The following COL6A3 variants were observed in gnomAD, a reference collection of about 807,000 sequenced individuals.
COL6A3 encodes the protein collagen alpha-3(VI) chain.
In COL6A3, 137 loss-of-function variants were observed where a neutral mutation model predicts 274.1. The ratio of observed to expected loss-of-function variants is 0.50; its 90% CI spans 0.44 to 0.58. COL6A3 has a LOEUF of 0.58. COL6A3 is among the 20% of genes least tolerant of loss of function. COL6A3 has a pLI of 0.00. For missense variants in COL6A3, 3,950 were observed against 4,124.9 expected (o/e 0.96, Z 1.16); for synonymous variants, 1,650 against 1,650.6 (o/e 1.00, Z 0.01).
At chr2:237,405,206 G>A (rs1401161543) in intron 1 of COL6A3, among the ~76,000 whole-genome samples, 3 of 152,242 alleles carry the variant, frequency 2.0e-5, no homozygotes, top group South Asian at 2.1e-4. Flanking sequence ...TGGGAAAAAC[G>A]CCTTTGGCCC....
intron 3 of COL6A3, among the ~76,000 whole-genome samples, chr2:237,393,381 G>A (rs1299022620): frequency 1.3e-5 from 2 of 152,104 alleles, no homozygotes; most frequent in East Asian, 3.9e-4. Context: ...ATCCCTCCAA[G>A]CCCCCAAGCC....
In COL6A3 at chr2:237,340,893, C is replaced by T. The variant is rs765987305; in HGVS notation, c.8023G>A (p.Val2675Met). 19 of 1,613,330 alleles carry T rather than the reference C, an allele frequency of 1.2e-5. No individual in the cohort carries two copies. In the South Asian group the frequency reaches 1.3e-4, roughly 11 times the overall value. Residue 2675 changes from valine (V) to methionine (M), a missense_variant, in exon 38 of 44, where the codon GTG (valine) becomes ATG (methionine). By Grantham distance (21) the Val-to-Met change is conservative. Transcript: ENST00000295550. ...AVVQHAPSES[V>M]DNASMPPVKV... ...ACAGGTGGCATGCTGGCATTGTCCA[C>T]GGACTCAGAGGGCGCGTGCTGCACA...
rs7597574 is a variant in COL6A3, at chr2:237,361,685, T to C, written c.6156+54A>G. 4.8e-3 allele frequency: 6,958 copies of C among 1,449,074 alleles called. 230 individuals carry two copies. The African/African-American group carries it at 0.076, about 16-fold the overall frequency. 89.8% of individuals were successfully genotyped at this position (1,449,074 alleles called of 1,614,324 possible). ...TAGAGAAATTACCCCACCAAAGTAA[T>C]GTCGGGCTTCTGACACCTCATCTCA... On this transcript the variant is annotated intron_variant, in intron 15 of 43. Coordinates refer to ENST00000295550, the MANE Select transcript of COL6A3 (RefSeq NM_004369.4). This position sits in a 1 kb window ranked among gnomAD's most constrained non-coding sequence, Gnocchi z 5.1.
intron 22 of COL6A3, 140 bp from the exon 23 acceptor site, chr2:237,357,531 G>A (rs552141494): frequency 1.1e-6 from 1 of 871,574 alleles, no homozygotes; most frequent in South Asian, 1.3e-5. Flanking sequence ...ACACTTTGCA[G>A]GATGCACCGG....
intron 1 of COL6A3, among the ~76,000 whole-genome samples, chr2:237,411,226 A>G (rs530681837): frequency 3.3e-4 from 51 of 152,356 alleles, no homozygotes; most frequent in African/African-American, 1.2e-3. Context: ...TCTTCCAAAA[A>G]GAGCAGTGAC....
At chr2:237,345,487 C>T (rs1002692820) in intron 32 of COL6A3, among the ~76,000 whole-genome samples, 13 of 136,428 alleles carry the variant, frequency 9.5e-5, no homozygotes, top group South Asian at 2.2e-4. Context: ...GTAAAGCCCA[C>T]GAGTGAACCT....
chr2:237,397,910 C>A (rs916651252), intron 1 of COL6A3, among the ~76,000 whole-genome samples: 3 of 152,144 alleles, frequency 2.0e-5, no homozygotes, highest in African/African-American at 7.2e-5. Context: ...ATGTACGCAG[C>A]AATTTGGAAA....
At position 237,368,984 on chromosome 2, in the gene COL6A3, G is replaced by A. The variant is rs766165015; in HGVS notation, c.4479C>T (p.Tyr1493=). Residue 1493 remains tyrosine (Y), a synonymous_variant, in exon 10 of 44, where the codon TAC becomes TAT. Coordinates refer to ENST00000295550, the MANE Select transcript of COL6A3 (RefSeq NM_004369.4). This position sits in a 1 kb window ranked among gnomAD's most constrained non-coding sequence, Gnocchi z 4.4. ...DVFPEFYLKT[Y]RSQAPVLDAI... The stretch of plus-strand genomic sequence containing the variant: ...CGTCCAGCACCGGGGCCTGGGATCT[G>A]TAGGTTTTCAGATAGAATTCTGGGA... 5.0e-6 allele frequency: 8 copies of A among 1,614,128 alleles called. No individual in the cohort carries two copies. The highest frequency in any genetic ancestry group is 6.8e-6 in the Non-Finnish European group (8 of 1,180,052).
At chr2:237,325,269 T>C (rs1178420561) in intron 43 of COL6A3, among the ~76,000 whole-genome samples, 1 of 152,204 alleles carries the variant, frequency 6.6e-6, no homozygotes, top group Non-Finnish European at 1.5e-5. Flanking sequence ...CTGTAGTTGT[T>C]CATTATATTA....
At chr2:237,338,893 CT>C in intron 39 of COL6A3, 121 bp downstream of exon 39, 2 of 747,720 alleles carry the variant, frequency 2.7e-6, no homozygotes, top group Non-Finnish European at 4.6e-6. Flanking sequence ...CCCACATTAC[CT>C]TTGGGAAGTC....
chr2:237,363,143 G>GCCC (rs11287247), intron 14 of COL6A3, 110 bp downstream of exon 14: 4 of 913,564 alleles, frequency 4.4e-6, no homozygotes, highest in Non-Finnish European at 7.0e-6. Flanking sequence ...ATCTACCAAG[G>GCCC]CCCCCCCCCC....
chr2:237,379,294 G>T (rs2077941630), intron 5 of COL6A3, 59 bp from the exon 6 acceptor site: 1 of 1,607,174 alleles, frequency 6.2e-7, no homozygotes, highest in African/African-American at 1.3e-5. Context: ...GTTTTATCAT[G>T]TGTGCCTACA....
Position 237,332,117 on chromosome 2 carries a change from A to ATATATATATATATATATATATATATG in COL6A3, c.9328+1332_9328+1333insCATATATATATATATATATATATATA, listed in dbSNP as rs35490728. Among the ~76,000 whole-genome samples, 7 of 64,206 alleles carry ATATATATATATATATATATATATATG rather than the reference A, an allele frequency of 1.1e-4. 2 individuals are homozygous for ATATATATATATATATATATATATATG. Among genetic ancestry groups the ATATATATATATATATATATATATATG allele is most frequent in the Non-Finnish European group, 1.9e-4 (6 of 31,028 alleles). 42.1% of individuals were successfully genotyped at this position (64,206 alleles called of 152,430 possible). A position where few individuals can be genotyped will look rare whatever the true frequency, so the allele number is the denominator to read the frequency against. On this transcript the variant is annotated intron_variant, in intron 42 of 43. Coordinates refer to ENST00000295550, the MANE Select transcript of COL6A3 (RefSeq NM_004369.4). ...TATATATATATATATATATATATAT[A>ATATATATATATATATATATATATATG]TGAAAAGAAAAACAAAACAGCCCAG...
chr2:237,357,425 C>T (rs1300062870), intron 22 of COL6A3, 34 bp from the exon 23 acceptor site: 2 of 1,570,154 alleles, frequency 1.3e-6, no homozygotes, highest in South Asian at 2.2e-5. Context: ...AGATTCTCAT[C>T]TGCAGAGAAG....
rs779425587 is a variant in COL6A3 at position 237,367,049 on chromosome 2, C to T, written c.5138G>A (p.Gly1713Glu). ...CACCTTAGTGTTGGCGTGTCTTCCC[C>T]CTTTGTAGACCACTTTGTTGATGGC... ...IDAINKVVYK[G>E]GRHANTKVGL... Residue 1713 changes from glycine (G) to glutamate (E), a missense_variant, in exon 11 of 44, where the codon GGG becomes GAG. Around this residue, in one of 5 missense-constraint regions of COL6A3, gnomAD observed 632 missense variants for 623.4 expected, o/e 1.01. Transcript: ENST00000295550. The T allele has an allele frequency of 6.8e-6, 11 of 1,614,222 alleles. No homozygotes were observed. The Middle Eastern group carries it at 4.9e-4, about 73-fold the overall frequency.
rs1283184141 is a variant in COL6A3, at chr2:237,407,247, A to G, written c.-31+6706T>C. The stretch of plus-strand genomic sequence containing the variant: ...TATTCTATGAAAATACTCTAGAACA[A>G]TAATCTGTTTGACTCAAACTGAATG... On this transcript the variant is annotated intron_variant, in intron 1 of 43. Coordinates refer to ENST00000295550, the MANE Select transcript of COL6A3 (RefSeq NM_004369.4). The surrounding 1 kb of genome is among the most constrained non-coding windows in gnomAD (Gnocchi z 4.3). Among the ~76,000 whole-genome samples the G allele has an allele frequency of 6.6e-6, 1 of 152,178 alleles. No individual in the cohort carries two copies. The highest frequency in any genetic ancestry group is 1.5e-5 in the Non-Finnish European group (1 of 68,026).
chr2:237,333,782 C>T (rs1700388487), intron 41 of COL6A3, among the ~76,000 whole-genome samples: 1 of 152,184 alleles, frequency 6.6e-6, no homozygotes, highest in African/African-American at 2.4e-5. Flanking sequence ...TGAACAAATC[C>T]TCTCACTTCC....
At position 237,384,730 on chromosome 2, in the gene COL6A3, T is replaced by C. The variant is rs960413764; in HGVS notation, c.1312+2852A>G. On this transcript the variant is annotated intron_variant, in intron 4 of 43. Transcript: ENST00000295550. The stretch of plus-strand genomic sequence containing the variant: ...TGCCTCCAAGGCCTCCTCATCTGTC[T>C]CTGAGAAAATAGAAGCCCTCAGAGG... 2.6e-5 allele frequency among the ~76,000 whole-genome samples: 4 copies of C among 152,028 alleles called. No homozygotes were observed. The East Asian group carries it at 7.7e-4, about 29-fold the overall frequency.
At chr2:237,354,622 A>T (rs2077277583) in intron 24 of COL6A3, among the ~76,000 whole-genome samples, 1 of 152,140 alleles carries the variant, frequency 6.6e-6, no homozygotes, top group Admixed American at 6.5e-5. Flanking sequence ...TTCTGGACCG[A>T]ACCAATGTAC....
Sources: allele counts gnomAD v4.1 joint callset (sites outside exome capture counted in the v4.1 genomes callset), GRCh38; gene constraint gnomAD v4.1.1; regional missense constraint gnomAD v4.1.1; non-coding constraint Gnocchi (gnomAD v3.1); transcripts MANE v1.5; gene names NCBI Gene and HGNC (gene_info 2026-07-23, HGNC 2026-07-21).